The following TMEM229B variants were observed in gnomAD, a reference collection of about 807,000 sequenced individuals.
The protein encoded by TMEM229B is chromosome 14 open reading frame 83.
A neutral mutation model predicts 13.7 loss-of-function variants in TMEM229B; 6 were observed. The ratio of observed to expected loss-of-function variants is 0.44; its 90% CI spans 0.24 to 0.86. The LOEUF (loss-of-function observed/expected upper bound fraction) is 0.86, where lower values mean the gene tolerates loss of function less well. TMEM229B is among the 40% of genes least tolerant of loss of function. The pLI is 0.23. For missense variants in TMEM229B, 170 were observed against 236.0 expected (o/e 0.72, Z 1.83); for synonymous variants, 107 against 102.1 (o/e 1.05, Z -0.29).
chr14:67,488,759 C>T (rs953037743), upstream of TMEM229B: 3 of 152,436 alleles, frequency 2.0e-5, no homozygotes, highest in Admixed American at 6.5e-5. Flanking sequence ...ATCCTGCCGG[C>T]ACAGCCTGCG....
chr14:67,529,450 A>G (rs2033413640), intron 1 of TMEM229B, among the ~76,000 whole-genome samples: 1 of 152,216 alleles, frequency 6.6e-6, no homozygotes. Context: ...CAAGTATTCA[A>G]TAGATATTTG....
At chr14:67,498,297 A>C (rs2032472032) in intron 1 of TMEM229B, among the ~76,000 whole-genome samples, 1 of 151,662 alleles carries the variant, frequency 6.6e-6, no homozygotes, top group Non-Finnish European at 1.5e-5. Flanking sequence ...GTGGGCAATC[A>C]CTCTGTGGTT....
intron 1 of TMEM229B, among the ~76,000 whole-genome samples, chr14:67,511,508 G>T (rs892402981): frequency 6.6e-6 from 1 of 152,010 alleles, no homozygotes; most frequent in African/African-American, 2.4e-5. Context: ...CGAGAATCCC[G>T]AAAAAAATAT....
chr14:67,495,529 C>T (rs754940912), intron 1 of TMEM229B, among the ~76,000 whole-genome samples: 64 of 151,614 alleles, frequency 4.2e-4, no homozygotes, highest in Non-Finnish European at 1.8e-4. Flanking sequence ...GTTGCCCAGG[C>T]TGGAGTGCAA....
chr14:67,512,888 C>A (rs150715273), intron 1 of TMEM229B, among the ~76,000 whole-genome samples: 1 of 152,208 alleles, frequency 6.6e-6, no homozygotes, highest in African/African-American at 2.4e-5. Context: ...AAAAACTACA[C>A]TTTTAAAACC....
intron 2 of TMEM229B, among the ~76,000 whole-genome samples, chr14:67,478,673 C>T (rs1352450885): frequency 6.6e-6 from 1 of 152,218 alleles, no homozygotes; most frequent in Non-Finnish European, 1.5e-5. Flanking sequence ...TCCTGTCCTC[C>T]AGATCTCTAC....
In TMEM229B at chr14:67,471,479, C is replaced by G. The variant is rs1193092902; in HGVS notation, c.*1941G>C. ...GACAATATTCTCCTCCTGGAATTTT[C>G]TCCACCTATAGATGGAAAACAATCT... On this transcript the variant is annotated 3_prime_UTR_variant, in exon 3 of 3. Transcript: ENST00000554480. 1 of 152,164 alleles carries G rather than the reference C, an allele frequency of 6.6e-6. No homozygotes were observed. The highest frequency in any genetic ancestry group is 1.5e-5 in the Non-Finnish European group (1 of 68,044). 9.4% of individuals were successfully genotyped at this position (152,164 alleles called of 1,614,324 possible). A position where few individuals can be genotyped will look rare whatever the true frequency, so the allele number is the denominator to read the frequency against.
chr14:67,475,355 G>A (rs1657089529), intron 2 of TMEM229B, among the ~76,000 whole-genome samples: 1 of 152,186 alleles, frequency 6.6e-6, no homozygotes, highest in African/African-American at 2.4e-5. Flanking sequence ...GAACACGGGT[G>A]TACAAAGGTC....
intron 1 of TMEM229B, among the ~76,000 whole-genome samples, chr14:67,502,748 G>A (rs2032662713): frequency 1.3e-5 from 2 of 151,878 alleles, no homozygotes; most frequent in African/African-American, 4.8e-5. Context: ...CACCGCGCCG[G>A]GCCCCAGAAG....
At chr14:67,505,942 C>T (rs747279242) in intron 1 of TMEM229B, among the ~76,000 whole-genome samples, 6 of 152,114 alleles carry the variant, frequency 3.9e-5, no homozygotes, top group Non-Finnish European at 2.9e-5. Flanking sequence ...CTTGGGTATC[C>T]GTCCATCTCA....
intron 1 of TMEM229B, among the ~76,000 whole-genome samples, chr14:67,508,573 T>C (rs975941388): frequency 3.3e-5 from 5 of 151,478 alleles, no homozygotes; most frequent in African/African-American, 1.2e-4. Flanking sequence ...TCATTCCTCT[T>C]CCATGAATAC....
chr14:67,482,043 C>T (rs2031618220), intron 2 of TMEM229B, among the ~76,000 whole-genome samples: 1 of 152,196 alleles, frequency 6.6e-6, no homozygotes. Flanking sequence ...GAACAACATT[C>T]AAATCCGAGA....
chr14:67,514,597 C>G (rs1439991595), intron 1 of TMEM229B, among the ~76,000 whole-genome samples: 1 of 152,074 alleles, frequency 6.6e-6, no homozygotes, highest in Non-Finnish European at 1.5e-5. Context: ...CTGGAAAGTC[C>G]TCAGCCTCTA....
intron 1 of TMEM229B, among the ~76,000 whole-genome samples, chr14:67,493,811 G>C: frequency 6.6e-6 from 1 of 152,182 alleles, no homozygotes; most frequent in East Asian, 1.9e-4. Flanking sequence ...TTTGGACTTG[G>C]AGCTATAAGG....
chr14:67,494,434 G>C (rs1483506261), intron 1 of TMEM229B, among the ~76,000 whole-genome samples: 1 of 152,228 alleles, frequency 6.6e-6, no homozygotes, highest in Non-Finnish European at 1.5e-5. Context: ...AAGCCAGGCA[G>C]TGTGCCTGTG....
chr14:67,496,407 T>G (rs1246098030), intron 1 of TMEM229B, among the ~76,000 whole-genome samples: 2 of 131,598 alleles, frequency 1.5e-5, no homozygotes, highest in South Asian at 2.8e-4. Flanking sequence ...TTTTTTTTTT[T>G]TTTTTTTTTT....
intron 2 of TMEM229B, among the ~76,000 whole-genome samples, chr14:67,484,962 T>A (rs2031789574): frequency 2.0e-5 from 3 of 152,206 alleles, no homozygotes; most frequent in Admixed American, 2.0e-4. Context: ...TGTGTAATAT[T>A]CCAGCAAGCG....
rs1305779471 is a variant in TMEM229B, at chr14:67,473,504, G to C, written c.420C>G (p.Leu140=). 6.2e-7 allele frequency: 1 copy of C among 1,614,192 alleles called. No individual in the cohort carries two copies. Among genetic ancestry groups the C allele is most frequent in the South Asian group, 1.1e-5 (1 of 91,092 alleles). The change falls in exon 3 of 3, where the codon CTC becomes CTG. Residue 140 remains leucine (L), a synonymous_variant. Transcript: ENST00000554480. This position sits in a 1 kb window ranked among gnomAD's most constrained non-coding sequence, Gnocchi z 6.5. ...CAGCGTCCTTGTCGAAGCGGAGGCG[G>C]AGGGTGTTGCGGATGATGAACTGCT... ...IMEQFIIRNT[L]RLRFDKDAEP... is the part of the protein sequence containing the mutation.
At chr14:67,533,539 A>C (rs1191284690) in intron 1 of TMEM229B, 1 of 151,202 alleles carries the variant, frequency 6.6e-6, no homozygotes, top group South Asian at 2.1e-4. Context: ...GCGAGCTCCC[A>C]GCGGCGGGGA....
Sources: allele counts gnomAD v4.1 joint callset (sites outside exome capture counted in the v4.1 genomes callset), GRCh38; gene constraint gnomAD v4.1.1; non-coding constraint Gnocchi (gnomAD v3.1); transcripts MANE v1.5; gene names NCBI Gene and HGNC (gene_info 2026-07-23, HGNC 2026-07-21).